Variants in ASCC3 observed in about 807,000 individuals in gnomAD.
The protein encoded by ASCC3 is ASC-1 complex subunit P200.
In ASCC3, 158 loss-of-function variants were observed where a neutral mutation model predicts 256.3. The observed-to-expected ratio is 0.62, with a 90% CI of 0.54 to 0.70. The LOEUF (loss-of-function observed/expected upper bound fraction) is 0.70. Ranked by LOEUF, ASCC3 falls within the 30% of genes least tolerant of loss-of-function variation. The probability of loss-of-function intolerance (pLI) is 0.00; values close to 1 mark genes in which losing one functional copy is unlikely to be tolerated. For synonymous variants in ASCC3, 948 were observed against 883.4 expected (o/e 1.07, Z -1.30); for missense variants, 2,259 against 2,626.0 (o/e 0.86, Z 3.05).
chr6:100,584,267 G>T (rs1195054396), intron 36 of ASCC3, among the ~76,000 whole-genome samples: 1 of 151,306 alleles, frequency 6.6e-6, no homozygotes, highest in Non-Finnish European at 1.5e-5. Flanking sequence ...GAATCTGGGT[G>T]CTCCTGTATT....
rs1166043425 is a variant in ASCC3 at position 100,644,120 on chromosome 6, TC to T, written c.3642del (p.Thr1215GlnfsTer2). On this transcript the variant is annotated frameshift_variant, in exon 23 of 42. Coordinates refer to ENST00000369162, the MANE Select transcript of ASCC3 (RefSeq NM_006828.4). LOFTEE classifies it high-confidence loss of function. ...CAAATCCACCAAGGTTCTCCTACTGTCCCATGTACCTAGAAGAAAAATAGCA... is the reference window on the plus strand; with the variant it reads ...CAAATCCACCAAGGTTCTCCTACTGTCCATGTACCTAGAAGAAAAATAGCA... ...ADFTWNDQVH[G>X]TVGEPWWIWV... is the part of the protein sequence containing the mutation. The T allele has an allele frequency of 6.2e-7, 1 of 1,610,962 alleles. No homozygotes were observed. Among genetic ancestry groups the T allele is most frequent in the Non-Finnish European group, 8.5e-7 (1 of 1,177,720 alleles).
At chr6:100,718,017 G>A (rs1348488639) in intron 12 of ASCC3, 58 bp downstream of exon 12, 6 of 1,537,228 alleles carry the variant, frequency 3.9e-6, no homozygotes, top group African/African-American at 2.8e-5. Flanking sequence ...CTCCAAACAA[G>A]TATTCAATAA....
In ASCC3 at chr6:100,607,777, T is replaced by G. The variant is rs113835356; in HGVS notation, c.4786-689A>C. Among the ~76,000 whole-genome samples, 8 of 151,732 alleles carry G rather than the reference T, an allele frequency of 5.3e-5. 1 individual carries two copies. Among genetic ancestry groups the G allele is most frequent in the African/African-American group, 1.9e-4 (8 of 41,470 alleles). On this transcript the variant is annotated intron_variant, in intron 30 of 41. Coordinates refer to ENST00000369162, the MANE Select transcript of ASCC3 (RefSeq NM_006828.4). ...GCACACAGCTATAAACATATTAGCA[T>G]CTCAATGTTACTATGTTCTCAAAAC...
At chr6:100,645,858 T>C (rs1471505991) in intron 22 of ASCC3, among the ~76,000 whole-genome samples, 1 of 152,168 alleles carries the variant, frequency 6.6e-6, no homozygotes, top group South Asian at 2.1e-4. Context: ...TTCAGAGAAG[T>C]AAAGAAAATA....
At chr6:100,602,072 T>C in intron 33 of ASCC3, 137 bp from the exon 34 acceptor site, 4 of 841,212 alleles carry the variant, frequency 4.8e-6, no homozygotes, top group South Asian at 1.9e-5. Context: ...AAATATTTAG[T>C]ATATAATTTT....
intron 8 of ASCC3, among the ~76,000 whole-genome samples, chr6:100,771,555 C>T (rs1160767586): frequency 2.6e-5 from 4 of 151,644 alleles, no homozygotes; most frequent in East Asian, 1.9e-4. Context: ...AAACTCAACA[C>T]AACAGTAAAG....
At chr6:100,703,407 A>G (rs1259291493) in intron 13 of ASCC3, among the ~76,000 whole-genome samples, 1 of 151,972 alleles carries the variant, frequency 6.6e-6, no homozygotes, top group Admixed American at 6.6e-5. Context: ...TCAGAGAGAA[A>G]GAATAGCTTA....
At chr6:100,682,426 A>C (rs942277931) in intron 13 of ASCC3, among the ~76,000 whole-genome samples, 1 of 152,206 alleles carries the variant, frequency 6.6e-6, no homozygotes, top group Non-Finnish European at 1.5e-5. Context: ...ATAGTGATGA[A>C]AATAGATAAG....
At chr6:100,542,144 T>C (rs1484803290) in intron 36 of ASCC3, among the ~76,000 whole-genome samples, 1 of 152,176 alleles carries the variant, frequency 6.6e-6, no homozygotes, top group Admixed American at 6.5e-5. Flanking sequence ...TAATTTGATA[T>C]AAACTATAAA....
intron 13 of ASCC3, among the ~76,000 whole-genome samples, chr6:100,695,996 G>T (rs1383337566): frequency 6.6e-6 from 1 of 151,910 alleles, no homozygotes; most frequent in Non-Finnish European, 1.5e-5. Context: ...TATTTAACAG[G>T]TCTCTGACTG....
chr6:100,706,230 G>A (rs1175578506), intron 13 of ASCC3, among the ~76,000 whole-genome samples: 4 of 150,682 alleles, frequency 2.7e-5, no homozygotes, highest in African/African-American at 4.9e-5. Context: ...TTCATTTTCC[G>A]ACAGATGGAT....
intron 30 of ASCC3, among the ~76,000 whole-genome samples, chr6:100,623,092 C>G (rs1774044916): frequency 6.6e-6 from 1 of 152,054 alleles, no homozygotes; most frequent in Non-Finnish European, 1.5e-5. Flanking sequence ...CACACATAAA[C>G]TGAGTCATCA....
intron 14 of ASCC3, among the ~76,000 whole-genome samples, chr6:100,674,606 T>C (rs907659133): frequency 1.3e-5 from 2 of 151,670 alleles, no homozygotes; most frequent in Non-Finnish European, 2.9e-5. Flanking sequence ...TTAGGCAAGG[T>C]ATATGTTAGC....
At chr6:100,797,924 T>C (rs569860848) in intron 8 of ASCC3, among the ~76,000 whole-genome samples, 4 of 152,278 alleles carry the variant, frequency 2.6e-5, no homozygotes, top group African/African-American at 9.6e-5. Flanking sequence ...TGTAACTATA[T>C]ATACACACAC....
intron 36 of ASCC3, among the ~76,000 whole-genome samples, chr6:100,555,564 T>C (rs1397960679): frequency 6.6e-6 from 1 of 152,152 alleles, no homozygotes; most frequent in Non-Finnish European, 1.5e-5. Flanking sequence ...TTAAAATAAT[T>C]CAAGTGGTAA....
chr6:100,829,058 C>A (rs1213840747), intron 4 of ASCC3, among the ~76,000 whole-genome samples: 1 of 152,122 alleles, frequency 6.6e-6, no homozygotes, highest in Non-Finnish European at 1.5e-5. Flanking sequence ...TTTTCCAAGT[C>A]CCCACCAGAG....
intron 6 of ASCC3, among the ~76,000 whole-genome samples, chr6:100,799,889 T>C (rs1215572617): frequency 6.6e-6 from 1 of 152,138 alleles, no homozygotes; most frequent in Non-Finnish European, 1.5e-5. Flanking sequence ...TTTCAATCTT[T>C]AAAGAATCAA....
chr6:100,673,118 G>T (rs1397853396), intron 14 of ASCC3, among the ~76,000 whole-genome samples: 1 of 152,022 alleles, frequency 6.6e-6, no homozygotes, highest in Non-Finnish European at 1.5e-5. Flanking sequence ...CTTGAAAGAT[G>T]ATCCTAGTTC....
intron 20 of ASCC3, 64 bp from the exon 21 acceptor site, chr6:100,647,515 C>G: frequency 2.8e-6 from 4 of 1,410,144 alleles, no homozygotes; most frequent in Non-Finnish European, 4.0e-6. Flanking sequence ...GTCAATAAAT[C>G]TATTATTCAA....
Sources: allele counts gnomAD v4.1 joint callset (sites outside exome capture counted in the v4.1 genomes callset), GRCh38; gene constraint gnomAD v4.1.1; transcripts MANE v1.5; gene names NCBI Gene and HGNC (gene_info 2026-07-23, HGNC 2026-07-21).